The following PCP4 variants were observed in gnomAD, a reference collection of about 807,000 sequenced individuals.
PCP4 encodes the protein calmodulin regulator protein PCP4.
A neutral mutation model predicts 10.0 loss-of-function variants in PCP4; 8 were observed. That is an observed-to-expected ratio of 0.80 (90% CI 0.47 to 1.45). The LOEUF (loss-of-function observed/expected upper bound fraction) is 1.45. PCP4 is among the 40% of genes most tolerant of loss of function. The pLI is 0.00. For synonymous variants in PCP4, 21 were observed against 23.0 expected, an observed-to-expected ratio of 0.91 and a Z score of 0.24; for missense variants, 54 against 74.4, an observed-to-expected ratio of 0.73 and a Z score of 1.01.
intron 1 of PCP4, among the ~76,000 whole-genome samples, chr21:39,893,897 T>C (rs1049193763): frequency 6.6e-5 from 10 of 152,160 alleles, no homozygotes; most frequent in African/African-American, 2.2e-4. Context: ...TCTCTGATGA[T>C]GTAGATAGAC....
chr21:39,907,030 C>A (rs968582), intron 2 of PCP4, among the ~76,000 whole-genome samples: 128,771 of 152,166 alleles, frequency 0.85, 55,088 homozygotes, highest in Middle Eastern at 0.95. Flanking sequence ...AGCAAAACCC[C>A]ACCTAGATCT....
intron 2 of PCP4, among the ~76,000 whole-genome samples, chr21:39,922,351 G>A (rs1410039246): frequency 1.3e-5 from 2 of 152,190 alleles, no homozygotes; most frequent in African/African-American, 4.8e-5. Context: ...AAGAAGGGCT[G>A]CCTGAGCTTT....
At chr21:39,922,488 TA>T (rs1449581761) in intron 2 of PCP4, among the ~76,000 whole-genome samples, 1 of 152,242 alleles carries the variant, frequency 6.6e-6, no homozygotes, top group African/African-American at 2.4e-5. Context: ...TAAACTTGAA[TA>T]GGACTGTTTT....
At chr21:39,885,709 C>G (rs1023248083) in intron 1 of PCP4, among the ~76,000 whole-genome samples, 16 of 152,220 alleles carry the variant, frequency 1.1e-4, no homozygotes, top group African/African-American at 3.4e-4. Flanking sequence ...CCCTCTCCCT[C>G]CCCTGGGACA....
intron 2 of PCP4, among the ~76,000 whole-genome samples, chr21:39,912,327 T>A (rs5004294): frequency 7.7e-4 from 115 of 150,266 alleles, no homozygotes; most frequent in African/African-American, 1.3e-3. Flanking sequence ...TTTTTTTTTT[T>A]AAAGTATTTC....
Position 39,929,273 on chromosome 21 carries a change from T to C in PCP4, c.*162T>C, listed in dbSNP as rs1220975142. On this transcript the variant is annotated 3_prime_UTR_variant, in exon 3 of 3. Transcript: ENST00000328619. ...CAGAAACCTGTGATATTTATACCCTTGTAGGAAGGTATAGACAATGGAATT... is the reference window on the plus strand; with the variant it reads ...CAGAAACCTGTGATATTTATACCCTCGTAGGAAGGTATAGACAATGGAATT... 3 of 576,028 alleles carry C rather than the reference T, an allele frequency of 5.2e-6. No individual in the cohort carries two copies. Among genetic ancestry groups the C allele is most frequent in the Non-Finnish European group, 8.9e-6 (3 of 336,892 alleles). 35.7% of individuals were successfully genotyped at this position (576,028 alleles called of 1,614,324 possible). A position where few individuals can be genotyped will look rare whatever the true frequency, so the allele number is the denominator to read the frequency against.
intron 2 of PCP4, among the ~76,000 whole-genome samples, chr21:39,915,229 C>CA (rs11304096): frequency 9.4e-4 from 139 of 147,780 alleles, no homozygotes; most frequent in East Asian, 2.6e-3. Context: ...AGTATTTCTG[C>CA]AAAAAAAAAA....
At chr21:39,878,592 T>G (rs1158213305) in intron 1 of PCP4, among the ~76,000 whole-genome samples, 1 of 152,254 alleles carries the variant, frequency 6.6e-6, no homozygotes, top group Admixed American at 6.5e-5. Context: ...AGAGATTACA[T>G]GAGGACAGTC....
At chr21:39,886,931 G>A (rs1014321617) in intron 1 of PCP4, among the ~76,000 whole-genome samples, 10 of 151,996 alleles carry the variant, frequency 6.6e-5, no homozygotes, top group African/African-American at 2.4e-4. Flanking sequence ...ATTTTTCCTT[G>A]CTCATTTATG....
rs555550880 is a variant in PCP4, at chr21:39,875,259, C to A, written c.9+7749C>A. Among the ~76,000 whole-genome samples the A allele has an allele frequency of 3.4e-5, 3 of 88,468 alleles. No homozygotes were observed. The South Asian group carries it at 1.2e-3, about 34-fold the overall frequency. The allele number at this position is 88,468 out of a possible 152,430, so 58.0% of individuals were successfully genotyped here. On this transcript the variant is annotated intron_variant, in intron 1 of 2. Coordinates refer to ENST00000328619, the MANE Select transcript of PCP4 (RefSeq NM_006198.3). ...CTTTTTCAAATTGTAAATTTTCTCA[C>A]AGTTTTTTTTTTGTTATGCAGAGAA... is the stretch of plus-strand genomic sequence containing the variant.
chr21:39,873,726 G>A (rs987272579), intron 1 of PCP4, among the ~76,000 whole-genome samples: 10 of 152,214 alleles, frequency 6.6e-5, no homozygotes, highest in African/African-American at 2.2e-4. Context: ...ATATGGGAAT[G>A]TTCGATAATG....
chr21:39,920,422 TGTGACTGTGTGATGGGA>T (rs1218162307), intron 2 of PCP4, among the ~76,000 whole-genome samples: 1 of 151,212 alleles, frequency 6.6e-6, no homozygotes, highest in Non-Finnish European at 1.5e-5. Flanking sequence ...GTGTGTGGTG[TGTGACTGTGTGATGGGA>T]GTGGATGTGT....
chr21:39,901,511 C>T (rs1451312723), intron 2 of PCP4, among the ~76,000 whole-genome samples: 5 of 152,214 alleles, frequency 3.3e-5, no homozygotes, highest in Admixed American at 6.5e-5. Context: ...AGGGAATTAC[C>T]GGCTACTATA....
chr21:39,890,303 G>C (rs573071348), intron 1 of PCP4, among the ~76,000 whole-genome samples: 2 of 152,140 alleles, frequency 1.3e-5, no homozygotes, highest in Non-Finnish European at 2.9e-5. Flanking sequence ...CAAGACAGAA[G>C]GAAATATCGG....
chr21:39,874,854 C>G (rs1043516601), intron 1 of PCP4, among the ~76,000 whole-genome samples: 1 of 152,120 alleles, frequency 6.6e-6, no homozygotes, highest in African/African-American at 2.4e-5. Context: ...CCTACACATG[C>G]TATGCTTTTT....
intron 1 of PCP4, among the ~76,000 whole-genome samples, chr21:39,888,600 C>A (rs536507505): frequency 6.6e-6 from 1 of 152,186 alleles, no homozygotes. Context: ...GAGCTGACAG[C>A]GGTGTGAGTT....
intron 2 of PCP4, among the ~76,000 whole-genome samples, chr21:39,899,891 T>C (rs764764490): frequency 2.6e-5 from 4 of 152,144 alleles, no homozygotes; most frequent in Non-Finnish European, 4.4e-5. Context: ...TAGGGGAGCA[T>C]AGGGCGCTGT....
rs1215845189 is a variant in PCP4 at position 39,921,550 on chromosome 21, A to T, written c.62-7434A>T. Among the ~76,000 whole-genome samples, 3 of 152,220 alleles carry T rather than the reference A, an allele frequency of 2.0e-5. No homozygotes were observed. The East Asian group carries it at 5.8e-4, about 29-fold the overall frequency. The stretch of plus-strand genomic sequence containing the variant: ...TTAAAACCTATGAAGCCTCCAAATT[A>T]GGTCAGGTGCTGTTATAGGCTGAGC... On this transcript the variant is annotated intron_variant, in intron 2 of 2. Transcript: ENST00000328619.
At chr21:39,891,327 C>T (rs1414586103) in intron 1 of PCP4, among the ~76,000 whole-genome samples, 2 of 152,216 alleles carry the variant, frequency 1.3e-5, no homozygotes, top group East Asian at 3.9e-4. Context: ...ATGTCATCTC[C>T]TGCCCACATC....
Sources: gnomAD v4.1 joint callset for allele counts (sites outside exome capture counted in the v4.1 genomes callset) on GRCh38, gnomAD v4.1.1 for gene constraint, MANE v1.5 for transcripts, NCBI Gene and HGNC (gene_info 2026-07-23, HGNC 2026-07-21) for gene names.